The following MAP7 variants were observed in gnomAD, a reference collection of about 807,000 sequenced individuals.
The protein encoded by MAP7 is microtubule associated protein 7.
MAP7 carries 52 observed loss-of-function variants against 94.8 expected under a neutral mutation model. That is an observed-to-expected ratio of 0.55 (90% CI 0.44 to 0.69). MAP7 has a LOEUF of 0.69. Among genes scored for constraint, MAP7 ranks in the 30% least tolerant of loss-of-function variants. The pLI is 0.00. For synonymous variants in MAP7, 350 were observed against 357.0 expected (o/e 0.98, Z 0.22); for missense variants, 940 against 964.6 (o/e 0.97, Z 0.34).
At position 136,456,825 on chromosome 6, in the gene MAP7, AGAAGAAGAAGAAGAAGAAGAAGAG is replaced by A. The variant is rs1404869885; in HGVS notation, c.68-35050_68-35027del. Among the ~76,000 whole-genome samples the A allele has an allele frequency of 9.3e-3, 1,109 of 119,498 alleles. 18 individuals carry two copies. The highest frequency in any genetic ancestry group is 0.014 in the Non-Finnish European group (766 of 53,996). The allele number at this position is 119,498 out of a possible 152,430, so 78.4% of individuals were successfully genotyped here. ...AGAAGAAGAAGAAGAAGAAGAAGGA[AGAAGAAGAAGAAGAAGAAGAAGAG>A]GAAGAAGAAGAAGAAGAAGAAGAAA... On this transcript the variant is annotated intron_variant, in intron 1 of 17. Coordinates refer to ENST00000354570, the MANE Select transcript of MAP7 (RefSeq NM_003980.6).
chr6:136,452,644 C>T (rs928689232), intron 1 of MAP7, among the ~76,000 whole-genome samples: 10 of 152,106 alleles, frequency 6.6e-5, no homozygotes, highest in African/African-American at 2.4e-4. Context: ...CCTCCATCTC[C>T]TAGGTTCAAG....
At chr6:136,511,317 A>T (rs187681917) in intron 1 of MAP7, among the ~76,000 whole-genome samples, 208 of 152,302 alleles carry the variant, frequency 1.4e-3, no homozygotes, top group African/African-American at 4.9e-3. Flanking sequence ...CAGAAGAATC[A>T]GAGCTAGCAA....
intron 7 of MAP7, among the ~76,000 whole-genome samples, chr6:136,374,880 A>G (rs1775630597): frequency 6.6e-6 from 1 of 152,228 alleles, no homozygotes; most frequent in Admixed American, 6.5e-5. Context: ...AAATCTTCAA[A>G]TCAATTATTT....
chr6:136,343,379 C>CCTGAT lies in MAP7; in HGVS notation c.*848_*849insATCAG, dbSNP rs1786926437. The CCTGAT allele has an allele frequency of 6.6e-6, 1 of 152,570 alleles. No individual in the cohort carries two copies. Among genetic ancestry groups the CCTGAT allele is most frequent in the African/African-American group, 2.4e-5 (1 of 41,438 alleles). The allele number at this position is 152,570 out of a possible 1,614,324, so 9.5% of individuals were successfully genotyped here. A position where few individuals can be genotyped will look rare whatever the true frequency, so the allele number is the denominator to read the frequency against. ...GTGATCAGGTAAGGCAAAGATAAGT[C>CCTGAT]CACCATCACTGGGGACAGCAGCAAC... On this transcript the variant is annotated 3_prime_UTR_variant, in exon 18 of 18. Coordinates refer to ENST00000354570, the MANE Select transcript of MAP7 (RefSeq NM_003980.6).
intron 16 of MAP7, among the ~76,000 whole-genome samples, chr6:136,349,567 T>A (rs1252765142): frequency 6.6e-6 from 1 of 152,158 alleles, no homozygotes; most frequent in Non-Finnish European, 1.5e-5. Context: ...AGAGACGGGA[T>A]CTTGCCATGT....
intron 10 of MAP7, 135 bp downstream of exon 10, chr6:136,365,600 A>C: frequency 1.2e-6 from 1 of 854,924 alleles, no homozygotes; most frequent in Non-Finnish European, 1.8e-6. Context: ...ACTTAAGGAA[A>C]GGTATTAAAC....
At position 136,451,234 on chromosome 6, in the gene MAP7, C is replaced by T. The variant is rs1248197523; in HGVS notation, c.68-29435G>A. 2.6e-5 allele frequency among the ~76,000 whole-genome samples: 4 copies of T among 152,296 alleles called. No homozygotes were observed. The East Asian group carries it at 7.7e-4, about 29-fold the overall frequency. The stretch of plus-strand genomic sequence containing the variant: ...GGTTTTCTCTACGCCTCCTCTGTTT[C>T]TGTAGACATGTATTAAAGCCACCTC... On this transcript the variant is annotated intron_variant, in intron 1 of 17. Coordinates refer to ENST00000354570, the MANE Select transcript of MAP7 (RefSeq NM_003980.6).
intron 7 of MAP7, among the ~76,000 whole-genome samples, chr6:136,372,839 C>T (rs542178948): frequency 6.6e-6 from 1 of 152,224 alleles, no homozygotes; most frequent in South Asian, 2.1e-4. Flanking sequence ...ATGATGAGTC[C>T]AAAAGGAAGG....
At chr6:136,510,070 C>G (rs961941318) in intron 1 of MAP7, among the ~76,000 whole-genome samples, 1 of 152,106 alleles carries the variant, frequency 6.6e-6, no homozygotes, top group African/African-American at 2.4e-5. Context: ...GGTGTGGTGG[C>G]GTGTGCCTGT....
chr6:136,457,483 C>G (rs1055658906), intron 1 of MAP7, among the ~76,000 whole-genome samples: 6 of 152,040 alleles, frequency 3.9e-5, no homozygotes, highest in African/African-American at 1.4e-4. Context: ...GCGGTGTTAC[C>G]GTTACCCCAT....
chr6:136,391,058 G>A (rs533209472), intron 3 of MAP7, among the ~76,000 whole-genome samples: 2 of 152,294 alleles, frequency 1.3e-5, no homozygotes, highest in Admixed American at 6.5e-5. Context: ...AAATTCTCAA[G>A]CTCAAGTTAA....
intron 5 of MAP7, among the ~76,000 whole-genome samples, chr6:136,387,000 G>C (rs1226509535): frequency 1.3e-5 from 2 of 151,962 alleles, no homozygotes; most frequent in Non-Finnish European, 2.9e-5. Flanking sequence ...ATTTTTTGTA[G>C]AGATGGGGTC....
chr6:136,462,513 C>T (rs1307977313), intron 1 of MAP7, among the ~76,000 whole-genome samples: 1 of 152,112 alleles, frequency 6.6e-6, no homozygotes, highest in Non-Finnish European at 1.5e-5. Flanking sequence ...CAACACATTT[C>T]CTAGAAAAAG....
intron 1 of MAP7, among the ~76,000 whole-genome samples, chr6:136,518,008 T>G (rs1230079407): frequency 6.6e-6 from 1 of 152,210 alleles, no homozygotes. Flanking sequence ...TCTTCCCTCC[T>G]GCCCAACTCC....
intron 1 of MAP7, among the ~76,000 whole-genome samples, chr6:136,471,663 C>T (rs758408109): frequency 1.2e-4 from 19 of 152,100 alleles, no homozygotes; most frequent in Non-Finnish European, 2.2e-4. Flanking sequence ...AAACGTACCC[C>T]GCATATGACT....
At chr6:136,503,376 G>C (rs1820372551) in intron 1 of MAP7, among the ~76,000 whole-genome samples, 1 of 144,228 alleles carries the variant, frequency 6.9e-6, no homozygotes, top group Admixed American at 7.2e-5. Flanking sequence ...AGAAGAATCT[G>C]TCCAAACAAG....
chr6:136,522,295 G>C (rs553153189), intron 1 of MAP7, among the ~76,000 whole-genome samples: 1 of 152,000 alleles, frequency 6.6e-6, no homozygotes, highest in Middle Eastern at 3.4e-3. Flanking sequence ...TAACAGTCAG[G>C]TATGTAAAAC....
chr6:136,466,589 C>T (rs748388250), intron 1 of MAP7, among the ~76,000 whole-genome samples: 3 of 151,716 alleles, frequency 2.0e-5, no homozygotes, highest in African/African-American at 2.4e-5. Flanking sequence ...ATTCCCACTC[C>T]TTTTTCTAAG....
intron 1 of MAP7, chr6:136,466,799 C>G (rs766874039): frequency 8.5e-6 from 13 of 1,535,048 alleles, no homozygotes; most frequent in Non-Finnish European, 1.1e-5. Context: ...ATCCTTCTTT[C>G]TTGAATATCC....
Sources: allele counts gnomAD v4.1 joint callset (sites outside exome capture counted in the v4.1 genomes callset), GRCh38; gene constraint gnomAD v4.1.1; transcripts MANE v1.5; gene names NCBI Gene and HGNC (gene_info 2026-07-23, HGNC 2026-07-21).